CDK8: variants seen among roughly 807,000 people sequenced by gnomAD.
CDK8 encodes cyclin-dependent kinase 8.
Under a neutral mutation model 71.5 loss-of-function variants are expected in CDK8, and 29 were observed. The observed-to-expected ratio is 0.41, with a 90% CI of 0.30 to 0.55. The LOEUF is 0.55. CDK8 is among the 20% of genes least tolerant of loss of function. The pLI, the probability that CDK8 is intolerant of heterozygous loss-of-function variation, is 0.37. For missense variants in CDK8, 288 were observed against 572.6 expected, an observed-to-expected ratio of 0.50 and a Z score of 5.07; for synonymous variants, 161 against 192.1, an observed-to-expected ratio of 0.84 and a Z score of 1.34.
At chr13:26,276,083 G>C (rs1020858981) in intron 1 of CDK8, among the ~76,000 whole-genome samples, 10 of 152,020 alleles carry the variant, frequency 6.6e-5, no homozygotes, top group Admixed American at 5.9e-4. Flanking sequence ...GGATGGTCTC[G>C]ATCTCTTGAC....
At chr13:26,312,572 A>G (rs146110213) in intron 1 of CDK8, among the ~76,000 whole-genome samples, 1 of 152,236 alleles carries the variant, frequency 6.6e-6, no homozygotes, top group African/African-American at 2.4e-5. Context: ...ACCCTCCGGA[A>G]GGAAGAAACT....
intron 1 of CDK8, among the ~76,000 whole-genome samples, chr13:26,273,904 T>G (rs1479996285): frequency 6.6e-6 from 1 of 151,612 alleles, no homozygotes; most frequent in African/African-American, 2.4e-5. Context: ...TGTTTTAAAA[T>G]TAGATTATAT....
At chr13:26,266,749 A>G (rs1872037478) in intron 1 of CDK8, among the ~76,000 whole-genome samples, 2 of 152,238 alleles carry the variant, frequency 1.3e-5, no homozygotes, top group Admixed American at 1.3e-4. Flanking sequence ...AGCAATGAAA[A>G]GCATCACTGC....
chr13:26,362,044 C>T lies in CDK8; in HGVS notation c.456+8164C>T, dbSNP rs544644593. 2.0e-5 allele frequency among the ~76,000 whole-genome samples: 3 copies of T among 152,170 alleles called. No individual in the cohort carries two copies. The South Asian group carries it at 6.2e-4, about 32-fold the overall frequency. Reference sequence around the variant, plus strand: ...GGAATGATTTATACTAAATCAACATCTAAGTATTAAAGACTTGGTTTTGAT... The same window carrying T: ...GGAATGATTTATACTAAATCAACATTTAAGTATTAAAGACTTGGTTTTGAT... On this transcript the variant is annotated intron_variant, in intron 4 of 12. Transcript: ENST00000381527.
intron 1 of CDK8, among the ~76,000 whole-genome samples, chr13:26,323,246 A>G (rs1480880008): frequency 2.0e-5 from 3 of 151,360 alleles, no homozygotes; most frequent in South Asian, 4.2e-4. Flanking sequence ...GGTGAGGGCT[A>G]TCTTCCTGGC....
chr13:26,375,536 A>G (rs1874905553), intron 4 of CDK8, among the ~76,000 whole-genome samples: 1 of 152,262 alleles, frequency 6.6e-6, no homozygotes, highest in Non-Finnish European at 1.5e-5. Flanking sequence ...CTATGCATAT[A>G]TCTTTCCACA....
At chr13:26,263,515 C>G (rs1020900130) in intron 1 of CDK8, among the ~76,000 whole-genome samples, 5 of 151,956 alleles carry the variant, frequency 3.3e-5, no homozygotes, top group Admixed American at 3.3e-4. Context: ...GATCTTGGCT[C>G]ACTGTAACCT....
At chr13:26,300,172 G>C (rs945948648) in intron 1 of CDK8, among the ~76,000 whole-genome samples, 1 of 152,100 alleles carries the variant, frequency 6.6e-6, no homozygotes, top group African/African-American at 2.4e-5. Context: ...CATGCACTAG[G>C]TAACGCGGTA....
chr13:26,342,034 C>T (rs1452308789), intron 2 of CDK8, among the ~76,000 whole-genome samples: 1 of 152,106 alleles, frequency 6.6e-6, no homozygotes, highest in African/African-American at 2.4e-5. Flanking sequence ...GATTCTTCTG[C>T]CTCACCCTCC....
intron 1 of CDK8, among the ~76,000 whole-genome samples, chr13:26,293,749 A>G (rs994704554): frequency 6.6e-6 from 1 of 152,202 alleles, no homozygotes; most frequent in Non-Finnish European, 1.5e-5. Flanking sequence ...ATATGTATAC[A>G]TTATGGACTA....
chr13:26,312,560 G>A (rs1009522852), intron 1 of CDK8, among the ~76,000 whole-genome samples: 4 of 152,038 alleles, frequency 2.6e-5, no homozygotes, highest in African/African-American at 4.8e-5. Context: ...GCAAGACCAC[G>A]AACCCTCCGG....
chr13:26,255,105 C>T (rs542854744), intron 1 of CDK8, among the ~76,000 whole-genome samples: 68 of 150,230 alleles, frequency 4.5e-4, no homozygotes, highest in African/African-American at 1.6e-3. Context: ...TTTTTTTTTC[C>T]TTGGTCGATT....
intron 6 of CDK8, among the ~76,000 whole-genome samples, chr13:26,390,399 T>G (rs1208648244): frequency 6.6e-6 from 1 of 152,210 alleles, no homozygotes; most frequent in Non-Finnish European, 1.5e-5. Flanking sequence ...AGTGCTGTGC[T>G]GGTTTATTCC....
intron 1 of CDK8, among the ~76,000 whole-genome samples, chr13:26,308,322 G>A (rs1458429584): frequency 6.6e-6 from 1 of 152,222 alleles, no homozygotes; most frequent in Non-Finnish European, 1.5e-5. Context: ...ACCAACCATA[G>A]TTGGAGGTAT....
rs182518393 is a variant in CDK8 at position 26,355,352 on chromosome 13, A to G, written c.456+1472A>G. Reference sequence around the variant, plus strand: ...ATTTACAGGCCAGGCACAGTGGTTCATGCCTATAATCCCAGCACTTTGGGA... The same window carrying G: ...ATTTACAGGCCAGGCACAGTGGTTCGTGCCTATAATCCCAGCACTTTGGGA... On this transcript the variant is annotated intron_variant, in intron 4 of 12. Coordinates refer to ENST00000381527, the MANE Select transcript of CDK8 (RefSeq NM_001260.3). Among the ~76,000 whole-genome samples the G allele has an allele frequency of 5.2e-3, 796 of 152,348 alleles. 3 individuals carry two copies. Among genetic ancestry groups the G allele is most frequent in the Non-Finnish European group, 6.7e-3 (457 of 68,030 alleles).
chr13:26,318,773 A>T (rs1199686711), intron 1 of CDK8, among the ~76,000 whole-genome samples: 1 of 152,186 alleles, frequency 6.6e-6, no homozygotes, highest in Non-Finnish European at 1.5e-5. Flanking sequence ...CATCATAAAA[A>T]CAAAAATGGA....
chr13:26,393,687 T>C (rs1875858126), intron 7 of CDK8, among the ~76,000 whole-genome samples, 177 bp downstream of exon 7: 1 of 152,206 alleles, frequency 6.6e-6, no homozygotes, highest in Non-Finnish European at 1.5e-5. Context: ...AGTTTACATA[T>C]TGGCATGGAA....
chr13:26,280,219 G>A (rs770252438), intron 1 of CDK8, among the ~76,000 whole-genome samples: 2 of 152,154 alleles, frequency 1.3e-5, no homozygotes, highest in African/African-American at 4.8e-5. Context: ...TTTTATAAAT[G>A]GTGGCTAAGA....
rs574088720 is a variant in CDK8, at chr13:26,363,774, G to T, written c.456+9894G>T. On this transcript the variant is annotated intron_variant, in intron 4 of 12. Transcript: ENST00000381527. Reference sequence around the variant, plus strand: ...CTAAGTGGGACTTCATGTGTCCTTGGTGAAGGATATGTTGGTTTCCTAGCA... The same window carrying T: ...CTAAGTGGGACTTCATGTGTCCTTGTTGAAGGATATGTTGGTTTCCTAGCA... Among the ~76,000 whole-genome samples, 4 of 152,184 alleles carry T rather than the reference G, an allele frequency of 2.6e-5. No individual in the cohort carries two copies. In the East Asian group the frequency reaches 5.8e-4, roughly 22 times the overall value.
Sources: gnomAD v4.1 joint callset for allele counts (sites outside exome capture counted in the v4.1 genomes callset) on GRCh38, gnomAD v4.1.1 for gene constraint, MANE v1.5 for transcripts, NCBI Gene and HGNC (gene_info 2026-07-23, HGNC 2026-07-21) for gene names.